E2F7: variants seen among roughly 807,000 people sequenced by gnomAD.
The protein encoded by E2F7 is transcription factor E2F7.
E2F7 carries 35 observed loss-of-function variants against 81.1 expected under a neutral mutation model. The observed-to-expected ratio is 0.43, with a 90% CI of 0.33 to 0.57. The LOEUF (loss-of-function observed/expected upper bound fraction) is 0.57. E2F7 is among the 20% of genes least tolerant of loss of function. The pLI is 0.04. For missense variants in E2F7, 961 were observed against 1,093.7 expected, an observed-to-expected ratio of 0.88 and a Z score of 1.71; for synonymous variants, 416 against 416.2, an observed-to-expected ratio of 1.00 and a Z score of 0.01.
In E2F7 at chr12:77,029,988, C is replaced by T; in HGVS notation, c.1727G>A (p.Arg576Lys). 1 of 1,614,222 alleles carries T rather than the reference C, an allele frequency of 6.2e-7. No individual in the cohort carries two copies. The highest frequency in any genetic ancestry group is 8.5e-7 in the Non-Finnish European group (1 of 1,180,038). ...ASGSGSERDD[R>K]SSEAPATVEL... Reference sequence around the variant, plus strand: ...TACTGTGGCTGGGGCTTCTGAGCTTCTGTCATCCCTCTCTGACCCTGACCC... The same window carrying T: ...TACTGTGGCTGGGGCTTCTGAGCTTTTGTCATCCCTCTCTGACCCTGACCC... Residue 576 changes from arginine to lysine, a missense_variant, in exon 10 of 13, where the codon AGA becomes AAA. Arg to Lys is a conservative substitution (Grantham distance 26, BLOSUM62 2). Around this residue, in one of 3 missense-constraint regions of E2F7, gnomAD observed 587 missense variants for 620.3 expected, o/e 0.95. Transcript: ENST00000322886.
intron 4 of E2F7, among the ~76,000 whole-genome samples, chr12:77,048,393 T>C (rs1376238279): frequency 6.6e-6 from 1 of 152,208 alleles, no homozygotes; most frequent in Non-Finnish European, 1.5e-5. Context: ...CTTCCCTTAG[T>C]TGCTGATGGG....
intron 3 of E2F7, among the ~76,000 whole-genome samples, chr12:77,052,978 G>C (rs986945788): frequency 6.6e-6 from 1 of 152,136 alleles, no homozygotes; most frequent in African/African-American, 2.4e-5. Context: ...ATACTGTATA[G>C]ACATGAGATT....
rs768878416 is a variant in E2F7 at position 77,033,859 on chromosome 12, T to C, written c.1307A>G (p.Gln436Arg). The change falls in exon 8 of 13, where the codon CAA becomes CGA. Residue 436 changes from glutamine (Q) to arginine (R), a missense_variant and splice_region_variant. This residue lies in a region of E2F7 where 587 missense variants were observed against 620.3 expected (regional missense o/e 0.95). Coordinates refer to ENST00000322886, the MANE Select transcript of E2F7 (RefSeq NM_203394.3). ...SEPSSPYREE[Q>R]GSGGYSLEIG... is the part of the protein sequence containing the mutation. ...ATAGATTATGCAAGGGCAGATACCTTGTTCTTCTCTGTACGGGCTGCTCGG... is the reference window on the plus strand; with the variant it reads ...ATAGATTATGCAAGGGCAGATACCTCGTTCTTCTCTGTACGGGCTGCTCGG... 7 of 1,600,518 alleles carry C rather than the reference T, an allele frequency of 4.4e-6. No homozygotes were observed. In the African/African-American group the frequency reaches 9.4e-5, roughly 22 times the overall value.
Position 77,022,468 on chromosome 12 carries a change from G to T in E2F7, c.*1547C>A, listed in dbSNP as rs1954720682. ...GGGGTAATAAGGCTAATATTATCCT[G>T]TAGTTAATATAAAGCTACTTTATTC... is the stretch of plus-strand genomic sequence containing the variant. On this transcript the variant is annotated 3_prime_UTR_variant, in exon 13 of 13. Transcript: ENST00000322886. The T allele has an allele frequency of 6.6e-6, 1 of 152,502 alleles. No homozygotes were observed. Among genetic ancestry groups the T allele is most frequent in the Non-Finnish European group, 1.5e-5 (1 of 68,018 alleles). The allele number at this position is 152,502 out of a possible 1,614,324, so 9.4% of individuals were successfully genotyped here.
At chr12:77,035,549 G>A (rs1954842332) in intron 7 of E2F7, among the ~76,000 whole-genome samples, 1 of 152,180 alleles carries the variant, frequency 6.6e-6, no homozygotes. Flanking sequence ...AGCTGATAGA[G>A]TCTTGCTAAG....
Position 77,023,105 on chromosome 12 carries a change from G to T in E2F7, c.*910C>A, listed in dbSNP as rs1171418569. 1 of 152,168 alleles carries T rather than the reference G, an allele frequency of 6.6e-6. No homozygotes were observed. The highest frequency in any genetic ancestry group is 1.5e-5 in the Non-Finnish European group (1 of 68,024). 9.4% of individuals were successfully genotyped at this position (152,168 alleles called of 1,614,324 possible). On this transcript the variant is annotated 3_prime_UTR_variant, in exon 13 of 13. Coordinates refer to ENST00000322886, the MANE Select transcript of E2F7 (RefSeq NM_203394.3). ...ACCATCCTGATTTATTTTACAAACAGCAATTGTTAGAAGGCATCCATATCT... is the reference window on the plus strand; with the variant it reads ...ACCATCCTGATTTATTTTACAAACATCAATTGTTAGAAGGCATCCATATCT...
chr12:77,050,799 G>C, intron 3 of E2F7, 55 bp from the exon 4 acceptor site: 1 of 1,579,486 alleles, frequency 6.3e-7, no homozygotes. Flanking sequence ...CATCCTAATG[G>C]AGAAATGGCA....
intron 3 of E2F7, among the ~76,000 whole-genome samples, chr12:77,052,185 G>T (rs778413137): frequency 2.0e-5 from 3 of 152,088 alleles, no homozygotes; most frequent in Non-Finnish European, 4.4e-5. Context: ...AGAAAACTCA[G>T]TATCTTAAAG....
In E2F7 at chr12:77,030,086, G is replaced by C. The variant is rs1418399776; in HGVS notation, c.1629C>G (p.Gly543=). The part of the protein sequence containing the change: ...VESLKPALLA[G]QPLVYVPSAS... ...CAGAGGGCACATACACTAGAGGCTG[G>C]CCAGCAAGGAGTGCTGGCTTCAGGC... is the stretch of plus-strand genomic sequence containing the variant. Residue 543 remains glycine, a synonymous_variant, in exon 10 of 13, where the codon GGC becomes GGG. Transcript: ENST00000322886. 13 of 1,614,122 alleles carry C rather than the reference G, an allele frequency of 8.1e-6. No homozygotes were observed. The highest frequency in any genetic ancestry group is 8.5e-6 in the Non-Finnish European group (10 of 1,180,036).
chr12:77,024,282 C>A, intron 12 of E2F7, 97 bp from the exon 13 acceptor site: 2 of 1,339,082 alleles, frequency 1.5e-6, no homozygotes, highest in African/African-American at 1.5e-5. Context: ...GTTAGGATCC[C>A]AAGGCAGGCG....
chr12:77,028,003 G>T lies in E2F7; in HGVS notation c.2020C>A (p.Leu674Ile). The change falls in exon 11 of 13, where the codon CTT becomes ATT. Residue 674 changes from leucine (L) to isoleucine (I), a missense_variant. Physicochemically the swap from Leu to Ile is conservative, Grantham distance 5. Around this residue, in one of 3 missense-constraint regions of E2F7, gnomAD observed 587 missense variants for 620.3 expected, o/e 0.95. Coordinates refer to ENST00000322886, the MANE Select transcript of E2F7 (RefSeq NM_203394.3). ...EISGKATANS[L>I]VSSEWGNPSR... ...GGATTTCCCCACTCAGAAGAAACAA[G>T]AGAGTTTGCTGTTGCCTTTCCTGAA... 1 of 1,614,140 alleles carries T rather than the reference G, an allele frequency of 6.2e-7. No homozygotes were observed. The highest frequency in any genetic ancestry group is 1.1e-5 in the South Asian group (1 of 91,080).
At chr12:77,038,702 T>C (rs190649820) in intron 7 of E2F7, among the ~76,000 whole-genome samples, 9 of 152,182 alleles carry the variant, frequency 5.9e-5, no homozygotes, top group African/African-American at 2.2e-4. Context: ...CTTGAGAAAC[T>C]AGAATAAGAA....
intron 3 of E2F7, among the ~76,000 whole-genome samples, chr12:77,054,459 G>GATGT (rs1243424434): frequency 6.6e-6 from 1 of 151,952 alleles, no homozygotes; most frequent in Admixed American, 6.6e-5. Context: ...TCTGACAAAA[G>GATGT]ATGTATAACA....
At chr12:77,037,343 C>G (rs922770100) in intron 7 of E2F7, among the ~76,000 whole-genome samples, 1 of 152,136 alleles carries the variant, frequency 6.6e-6, no homozygotes, top group African/African-American at 2.4e-5. Flanking sequence ...CTAATCCTAA[C>G]ACTTTGGAAG....
intron 3 of E2F7, among the ~76,000 whole-genome samples, chr12:77,054,343 A>C (rs1240820147): frequency 6.6e-6 from 1 of 152,198 alleles, no homozygotes; most frequent in Non-Finnish European, 1.5e-5. Context: ...ACACACAAAA[A>C]AATCAATTGT....
At chr12:77,032,177 A>T (rs1954813212) in intron 9 of E2F7, among the ~76,000 whole-genome samples, 1 of 152,202 alleles carries the variant, frequency 6.6e-6, no homozygotes, top group South Asian at 2.1e-4. Flanking sequence ...ACCTGCAAAA[A>T]GTAGCCAGGA....
chr12:77,059,900 T>C (rs1163666098), intron 2 of E2F7, among the ~76,000 whole-genome samples: 3 of 149,894 alleles, frequency 2.0e-5, no homozygotes, highest in Non-Finnish European at 4.4e-5. Context: ...GAGGCAGAGC[T>C]TGCAGTGAGC....
intron 7 of E2F7, among the ~76,000 whole-genome samples, chr12:77,042,474 C>T (rs1431056741): frequency 6.6e-6 from 1 of 152,142 alleles, no homozygotes; most frequent in African/African-American, 2.4e-5. Flanking sequence ...GATCTAGTCC[C>T]TGATTGCTCA....
chr12:77,061,206 C>T (rs969094803), intron 2 of E2F7, among the ~76,000 whole-genome samples: 3 of 152,320 alleles, frequency 2.0e-5, no homozygotes, highest in South Asian at 4.1e-4. Context: ...GACCTGATTA[C>T]GACCTTTCAT....
Sources: allele counts gnomAD v4.1 joint callset (sites outside exome capture counted in the v4.1 genomes callset), GRCh38; gene constraint gnomAD v4.1.1; regional missense constraint gnomAD v4.1.1; transcripts MANE v1.5; gene names NCBI Gene and HGNC (gene_info 2026-07-23, HGNC 2026-07-21).